COL10A1: variants seen among roughly 807,000 people sequenced by gnomAD.
COL10A1 encodes the protein collagen type X alpha 1 chain.
COL10A1 carries 10 observed loss-of-function variants against 18.2 expected under a neutral mutation model. The observed-to-expected ratio is 0.55, with a 90% confidence interval of 0.34 to 0.93. The LOEUF is 0.93. COL10A1 is among the 40% of genes least tolerant of loss of function. COL10A1 has a pLI of 0.02. For missense variants in COL10A1, 897 were observed against 853.5 expected (o/e 1.05, Z -0.64); for synonymous variants, 330 against 316.6 (o/e 1.04, Z -0.45).
Position 116,125,570 on chromosome 6 carries a change from GT to G in COL10A1, c.-15-64del. 3.4e-6 allele frequency: 5 copies of G among 1,458,994 alleles called. No homozygotes were observed. The South Asian group carries it at 5.8e-5, about 17-fold the overall frequency. 90.4% of individuals were successfully genotyped at this position (1,458,994 alleles called of 1,614,324 possible). On this transcript the variant is annotated intron_variant, in intron 1 of 2. Transcript: ENST00000651968. Reference sequence around the variant, plus strand: ...TATTAACCTATTTTTTTATTCTCATGTTTCACAGATGAGTTCTTTATACAGT... The same window carrying G: ...TATTAACCTATTTTTTTATTCTCATGTTCACAGATGAGTTCTTTATACAGT...
chr6:116,187,986 C>T, the COL10A1 span, among the ~76,000 whole-genome samples: 2 of 151,884 alleles, frequency 1.3e-5, no homozygotes, highest in South Asian at 4.2e-4. Flanking sequence ...GTAAAAAAGA[C>T]CTATAAATCA....
the COL10A1 span, among the ~76,000 whole-genome samples, chr6:116,170,882 A>C: frequency 3.9e-5 from 6 of 152,182 alleles, no homozygotes; most frequent in Non-Finnish European, 8.8e-5. Flanking sequence ...CTTATCTTTC[A>C]AACTGCAGCT....
chr6:116,175,505 T>G, the COL10A1 span, among the ~76,000 whole-genome samples: 2 of 152,226 alleles, frequency 1.3e-5, no homozygotes, highest in Non-Finnish European at 2.9e-5. Flanking sequence ...CAAATATTTC[T>G]TCTGCTCCAT....
At chr6:116,174,120 G>T in the COL10A1 span, among the ~76,000 whole-genome samples, 1 of 152,106 alleles carries the variant, frequency 6.6e-6, no homozygotes, top group Non-Finnish European at 1.5e-5. Context: ...CATATGAGGG[G>T]TACATGCTGT....
chr6:116,145,493 T>C (rs544611938), intron 1 of COL10A1: 1 of 370,202 alleles, frequency 2.7e-6, no homozygotes, highest in Admixed American at 2.4e-5. Flanking sequence ...TCATACTTAT[T>C]TAAGAGATTA....
the COL10A1 span, among the ~76,000 whole-genome samples, chr6:116,196,095 T>C: frequency 1.3e-5 from 2 of 152,046 alleles, no homozygotes; most frequent in African/African-American, 2.4e-5. Flanking sequence ...CATTCTGTTA[T>C]TTCCTGACAT....
At chr6:116,193,196 T>C in the COL10A1 span, among the ~76,000 whole-genome samples, 1 of 152,118 alleles carries the variant, frequency 6.6e-6, no homozygotes, top group Admixed American at 6.6e-5. Context: ...TGTTTTACTC[T>C]TAGTTCTGCC....
intron 1 of COL10A1, among the ~76,000 whole-genome samples, chr6:116,151,255 A>G (rs1306966691): frequency 6.6e-6 from 1 of 152,234 alleles, no homozygotes; most frequent in Non-Finnish European, 1.5e-5. Flanking sequence ...CTCTGAGATC[A>G]GAATATGTGG....
the COL10A1 span, among the ~76,000 whole-genome samples, chr6:116,189,683 A>C: frequency 6.6e-6 from 1 of 151,928 alleles, no homozygotes; most frequent in Non-Finnish European, 1.5e-5. Context: ...AAATGAGAGT[A>C]AATATTTATA....
chr6:116,168,948 A>G, the COL10A1 span, among the ~76,000 whole-genome samples: 1 of 152,180 alleles, frequency 6.6e-6, no homozygotes, highest in African/African-American at 2.4e-5. Flanking sequence ...TTCTTTCTGT[A>G]GTATAGCCTT....
intron 1 of COL10A1, 72 bp from the exon 2 acceptor site, chr6:116,125,579 A>G: frequency 1.4e-6 from 2 of 1,389,934 alleles, no homozygotes; most frequent in Non-Finnish European, 2.0e-6. Context: ...TGTTTCACAG[A>G]TGAGTTCTTT....
chr6:116,212,873 T>C, the COL10A1 span, among the ~76,000 whole-genome samples: 1 of 152,168 alleles, frequency 6.6e-6, no homozygotes, highest in African/African-American at 2.4e-5. Context: ...CTTTAAACTG[T>C]TTAAAACATT....
chr6:116,209,248 T>C, the COL10A1 span, among the ~76,000 whole-genome samples: 1 of 151,992 alleles, frequency 6.6e-6, no homozygotes, highest in African/African-American at 2.4e-5. Flanking sequence ...TCAAGGCTAT[T>C]ATATTGATAC....
intron 1 of COL10A1, among the ~76,000 whole-genome samples, chr6:116,158,175 C>T (rs1780245153): frequency 6.6e-6 from 1 of 152,092 alleles, no homozygotes; most frequent in South Asian, 2.1e-4. Context: ...TCTACATTGA[C>T]AATACTGGTT....
chr6:116,122,766 G>A (rs760945858), intron 2 of COL10A1, among the ~76,000 whole-genome samples: 3 of 152,048 alleles, frequency 2.0e-5, no homozygotes, highest in African/African-American at 2.4e-5. Flanking sequence ...AATGCAGAGC[G>A]AATCATTAAA....
At chr6:116,201,510 G>A in the COL10A1 span, among the ~76,000 whole-genome samples, 3 of 151,982 alleles carry the variant, frequency 2.0e-5, no homozygotes, top group Non-Finnish European at 4.4e-5. Flanking sequence ...GGACTGCCTC[G>A]GTAATGCTTT....
the COL10A1 span, among the ~76,000 whole-genome samples, chr6:116,181,302 GATCTTACAGAA>G: frequency 6.6e-6 from 1 of 151,840 alleles, no homozygotes; most frequent in African/African-American, 2.4e-5. Flanking sequence ...GATACAAAAG[GATCTTACAGAA>G]ATCTTACAGA....
At position 116,121,194 on chromosome 6, in the gene COL10A1, C is replaced by G. The variant is rs1368764774; in HGVS notation, c.922G>C (p.Gly308Arg). 2.5e-6 allele frequency: 4 copies of G among 1,613,408 alleles called. No individual in the cohort carries two copies. Among genetic ancestry groups the G allele is most frequent in the African/African-American group, 2.7e-5 (2 of 74,864 alleles). ...GGAAGGCCAGCAGGTCCTCTTTCTC[C>G]CTTCAGGCCTGGCAAGCCTGGTTTC... The part of the protein sequence containing the change: ...FGKPGLPGLK[G>R]ERGPAGLPGG... The change falls in exon 3 of 3, where the codon GGA becomes CGA. Residue 308 changes from glycine (G) to arginine (R), a missense_variant. Gly to Arg is a moderately radical substitution (Grantham distance 125, BLOSUM62 -2). Coordinates refer to ENST00000651968, the MANE Select transcript of COL10A1 (RefSeq NM_000493.4).
chr6:116,140,348 TC>T (rs1200378398), intron 1 of COL10A1, among the ~76,000 whole-genome samples: 2 of 152,154 alleles, frequency 1.3e-5, no homozygotes, highest in Non-Finnish European at 2.9e-5. Flanking sequence ...CCTTTGCTCT[TC>T]TGGGCACATC....
Sources: gnomAD v4.1 joint callset for allele counts (sites outside exome capture counted in the v4.1 genomes callset) on GRCh38, gnomAD v4.1.1 for gene constraint, MANE v1.5 for transcripts, NCBI Gene and HGNC (gene_info 2026-07-23, HGNC 2026-07-21) for gene names.